HPSE2: variants seen among roughly 807,000 people sequenced by gnomAD.
The protein encoded by HPSE2 is heparanase 2 (inactive), also known as inactive heparanase-2.
Under a neutral mutation model 60.5 loss-of-function variants are expected in HPSE2, and 38 were observed. The observed-to-expected ratio is 0.63, with a 90% confidence interval of 0.48 to 0.82. The LOEUF is 0.82. Among genes scored for constraint, HPSE2 ranks in the 40% least tolerant of loss-of-function variants. The pLI is 0.00. For missense variants in HPSE2, 713 were observed against 740.4 expected, an observed-to-expected ratio of 0.96 and a Z score of 0.43; for synonymous variants, 295 against 293.2, an observed-to-expected ratio of 1.01 and a Z score of -0.06.
chr10:98,462,655 CGTTTTT>C lies in HPSE2; in HGVS notation c.1614-2922_1614-2917del, dbSNP rs370693694. ...CCATTTCTGGATGGCGTTTTGTTTT[CGTTTTT>C]GTTTTTGTTTTTTTGAGAGGGAGCC... On this transcript the variant is annotated intron_variant, in intron 11 of 11. Coordinates refer to ENST00000370552, the MANE Select transcript of HPSE2 (RefSeq NM_021828.5). Among the ~76,000 whole-genome samples the C allele has an allele frequency of 7.3e-3, 1,107 of 152,198 alleles. 13 individuals are homozygous for C. The highest frequency in any genetic ancestry group is 0.026 in the African/African-American group (1,066 of 41,506).
In HPSE2 at chr10:98,459,682, T is replaced by A. The variant is rs1940196547; in HGVS notation, c.1671A>T (p.Glu557Asp). The change falls in exon 12 of 12, where the codon GAA (glutamate) becomes GAT (aspartate). Residue 557 changes from glutamate to aspartate, a missense_variant. Glu to Asp is a conservative substitution (Grantham distance 45, BLOSUM62 2). Transcript: ENST00000370552. The stretch of plus-strand genomic sequence containing the variant: ...CGGCCCGAAGGGGGCGGGGCTTCAA[T>A]TCTGGGAGGGTCCCGTCGTCCACCA... ...LVMVDDGTLP[E>D]LKPRPLRAGR... 1 of 1,613,990 alleles carries A rather than the reference T, an allele frequency of 6.2e-7. No individual in the cohort carries two copies.
chr10:99,252,331 A>G, the HPSE2 span, among the ~76,000 whole-genome samples: 1 of 152,144 alleles, frequency 6.6e-6, no homozygotes, highest in African/African-American at 2.4e-5. Flanking sequence ...CAATCATCCA[A>G]GAGAAAGAAA....
the HPSE2 span, among the ~76,000 whole-genome samples, chr10:99,282,142 C>T: frequency 6.6e-5 from 10 of 151,922 alleles, no homozygotes; most frequent in Non-Finnish European, 1.5e-4. Flanking sequence ...GCCTGTAGTC[C>T]CAGCTACTCA....
intron 3 of HPSE2, among the ~76,000 whole-genome samples, chr10:99,086,643 C>T (rs1488883982): frequency 6.6e-5 from 10 of 151,962 alleles, no homozygotes; most frequent in African/African-American, 2.4e-4. Context: ...TGAGCCACCG[C>T]GCCCGGCCGG....
chr10:98,595,202 C>T lies in HPSE2; in HGVS notation c.1320+19702G>A, dbSNP rs1002746582. Among the ~76,000 whole-genome samples, 12 of 130,450 alleles carry T rather than the reference C, an allele frequency of 9.2e-5. 1 individual carries two copies. The Admixed American group carries it at 1.1e-3, about 12-fold the overall frequency. 85.6% of individuals were successfully genotyped at this position (130,450 alleles called of 152,430 possible). On this transcript the variant is annotated intron_variant, in intron 9 of 11. Transcript: ENST00000370552. ...TTTTTTTTTTTGAGACGGAGTCTCG[C>T]TCTGTCACCCAGGCTGGAGTGCAGT...
intron 2 of HPSE2, among the ~76,000 whole-genome samples, chr10:99,171,276 G>A (rs114370423): frequency 2.0e-5 from 3 of 152,280 alleles, no homozygotes; most frequent in South Asian, 4.1e-4. Flanking sequence ...ACCACACTTG[G>A]TGGAATTCAC....
At chr10:98,481,123 G>C (rs1941218387) in intron 11 of HPSE2, among the ~76,000 whole-genome samples, 1 of 152,184 alleles carries the variant, frequency 6.6e-6, no homozygotes, top group Non-Finnish European at 1.5e-5. Context: ...AAGCTCTTCG[G>C]TTCCAGAGGA....
At chr10:98,537,049 C>T (rs1390870656) in intron 9 of HPSE2, among the ~76,000 whole-genome samples, 1 of 152,048 alleles carries the variant, frequency 6.6e-6, no homozygotes, top group African/African-American at 2.4e-5. Context: ...TTTTTGGCCT[C>T]AGTGTAGAAA....
At chr10:98,624,561 C>T (rs1946156510) in intron 7 of HPSE2, among the ~76,000 whole-genome samples, 1 of 152,074 alleles carries the variant, frequency 6.6e-6, no homozygotes, top group Admixed American at 6.5e-5. Context: ...TCTGATCTGA[C>T]TTATGTAAAG....
intron 9 of HPSE2, among the ~76,000 whole-genome samples, chr10:98,538,857 C>A (rs1943370809): frequency 6.6e-6 from 1 of 152,138 alleles, no homozygotes; most frequent in Non-Finnish European, 1.5e-5. Flanking sequence ...TTCAGGGATA[C>A]AAGTGAACAG....
At chr10:99,237,147 AG>A (rs1426435686), upstream of HPSE2, among the ~76,000 whole-genome samples, 2 of 152,222 alleles carry the variant, frequency 1.3e-5, no homozygotes, top group Admixed American at 1.3e-4. Context: ...GAAAGGGATC[AG>A]GCACAGTTTG....
chr10:99,145,603 G>A (rs74154367), intron 2 of HPSE2, among the ~76,000 whole-genome samples: 4,539 of 46,156 alleles, frequency 0.098, 237 homozygotes, highest in African/African-American at 0.15. Context: ...TAATCTAGGT[G>A]GCAACTCTAA....
chr10:98,539,854 C>G (rs56948147), intron 9 of HPSE2, among the ~76,000 whole-genome samples: 14,495 of 152,016 alleles, frequency 0.095, 914 homozygotes, highest in African/African-American at 0.16. Context: ...TTTACCCCCA[C>G]CTTAGGCACA....
the HPSE2 span, among the ~76,000 whole-genome samples, chr10:99,281,896 C>T: frequency 1.3e-5 from 2 of 151,858 alleles, no homozygotes; most frequent in Non-Finnish European, 2.9e-5. Context: ...CCCATGCAAA[C>T]AGTAACCAAA....
chr10:98,880,040 G>A (rs542144788), intron 3 of HPSE2, among the ~76,000 whole-genome samples: 1 of 152,112 alleles, frequency 6.6e-6, no homozygotes, highest in South Asian at 2.1e-4. Context: ...CTGGAGGCAT[G>A]TCTTTTGGCA....
At chr10:99,154,879 A>G (rs1045822997) in intron 2 of HPSE2, among the ~76,000 whole-genome samples, 10 of 152,174 alleles carry the variant, frequency 6.6e-5, no homozygotes, top group Admixed American at 1.3e-4. Flanking sequence ...AGAGACACAC[A>G]TAGGCTCAAA....
intron 9 of HPSE2, among the ~76,000 whole-genome samples, chr10:98,575,711 T>C (rs1944622875): frequency 6.6e-6 from 1 of 152,210 alleles, no homozygotes; most frequent in Non-Finnish European, 1.5e-5. Flanking sequence ...CAAAACATCA[T>C]GTCTTCTGAT....
chr10:99,289,623 A>G, the HPSE2 span, among the ~76,000 whole-genome samples: 1 of 152,216 alleles, frequency 6.6e-6, no homozygotes, highest in Non-Finnish European at 1.5e-5. Flanking sequence ...AGGTTTTCCA[A>G]TCACAGATGA....
At chr10:98,607,247 A>G (rs1346610527) in intron 9 of HPSE2, among the ~76,000 whole-genome samples, 2 of 151,754 alleles carry the variant, frequency 1.3e-5, no homozygotes, top group African/African-American at 4.8e-5. Flanking sequence ...ATGGCAAATC[A>G]TGTTCCTAAA....
Sources: gnomAD v4.1 joint callset for allele counts (sites outside exome capture counted in the v4.1 genomes callset) on GRCh38, gnomAD v4.1.1 for gene constraint, MANE v1.5 for transcripts, NCBI Gene and HGNC (gene_info 2026-07-23, HGNC 2026-07-21) for gene names.